Variants in UHRF1 observed in about 807,000 individuals in gnomAD.
The protein encoded by UHRF1 is ubiquitin like with PHD and ring finger domains 1, also known as E3 ubiquitin-protein ligase UHRF1.
UHRF1 carries 9 observed loss-of-function variants against 96.5 expected under a neutral mutation model. The observed-to-expected ratio is 0.09, with a 90% CI of 0.06 to 0.16. UHRF1 has a LOEUF of 0.16. Ranked by LOEUF, UHRF1 falls within the 10% of genes least tolerant of loss-of-function variation. UHRF1 has a pLI of 1.00. For missense variants in UHRF1, 626 were observed against 1,131.1 expected (o/e 0.55, Z 6.40); for synonymous variants, 455 against 469.9 (o/e 0.97, Z 0.41).
At chr19:4,916,491 G>C (rs952999253) in intron 2 of UHRF1, among the ~76,000 whole-genome samples, 1 of 152,108 alleles carries the variant, frequency 6.6e-6, no homozygotes, top group African/African-American at 2.4e-5. Flanking sequence ...TGGTGTCTTT[G>C]TGGCGGTTGT....
At chr19:4,945,501 C>T (rs1347016242) in intron 9 of UHRF1, among the ~76,000 whole-genome samples, 2 of 152,048 alleles carry the variant, frequency 1.3e-5, no homozygotes, top group Non-Finnish European at 2.9e-5. Context: ...TCAAGTGATC[C>T]ACCCACCTCG....
At chr19:4,912,897 C>T (rs1328477806) in intron 2 of UHRF1, among the ~76,000 whole-genome samples, 1 of 151,664 alleles carries the variant, frequency 6.6e-6, no homozygotes, top group African/African-American at 2.4e-5. Flanking sequence ...GTAGCTAGGA[C>T]TATAGGCATG....
intron 5 of UHRF1, among the ~76,000 whole-genome samples, chr19:4,936,575 G>C (rs1280446746): frequency 1.3e-5 from 2 of 152,176 alleles, no homozygotes; most frequent in Non-Finnish European, 2.9e-5. Context: ...TGTCTCTGCA[G>C]TGTGGGGGGT....
In UHRF1 at chr19:4,960,135, G is replaced by A. The variant is rs148149436; in HGVS notation, c.2236-522G>A. Among the ~76,000 whole-genome samples the A allele has an allele frequency of 2.3e-3, 358 of 152,348 alleles. 3 individuals carry two copies. Among genetic ancestry groups the A allele is most frequent in the African/African-American group, 8.2e-3 (340 of 41,586 alleles). On this transcript the variant is annotated intron_variant, in intron 16 of 16. Transcript: ENST00000650932. ...CCCAGAGTGCTGGGATTACAGGCAT[G>A]AGCCACGATGCTTGGCCTGATGTGT...
chr19:4,918,660 G>A (rs888787650), intron 2 of UHRF1, among the ~76,000 whole-genome samples: 11 of 149,894 alleles, frequency 7.3e-5, no homozygotes, highest in East Asian at 2.0e-4. Flanking sequence ...GTTATCTGCC[G>A]GCCTCAGCCT....
At chr19:4,925,586 A>G (rs1297262834) in intron 2 of UHRF1, among the ~76,000 whole-genome samples, 2 of 152,264 alleles carry the variant, frequency 1.3e-5, no homozygotes, top group Admixed American at 6.5e-5. Flanking sequence ...CAATGGCACA[A>G]TCTCTGCTTA....
Position 4,954,855 on chromosome 19 carries a change from T to G in UHRF1, c.2130+33T>G, listed in dbSNP as rs2033815190. On this transcript the variant is annotated intron_variant, in intron 15 of 16. Coordinates refer to ENST00000650932, the MANE Select transcript of UHRF1 (RefSeq NM_001048201.3). This position sits in a 1 kb window ranked among gnomAD's most constrained non-coding sequence, Gnocchi z 5.9. ...CGCACGGCTCACTCGTCGCCCTGAT[T>G]TGCGTTGACTGCGGTAAAATGTGTG... 6.2e-7 allele frequency: 1 copy of G among 1,608,054 alleles called. No homozygotes were observed. The highest frequency in any genetic ancestry group is 1.3e-5 in the African/African-American group (1 of 74,690).
intron 5 of UHRF1, among the ~76,000 whole-genome samples, chr19:4,939,871 A>T (rs2033334186): frequency 6.6e-6 from 1 of 152,102 alleles, no homozygotes; most frequent in Admixed American, 6.6e-5. Flanking sequence ...AAAAATACAA[A>T]AAATTAGCCA....
intron 2 of UHRF1, among the ~76,000 whole-genome samples, chr19:4,927,380 C>CAAAAA (rs35783129): frequency 1.9e-4 from 16 of 83,468 alleles, no homozygotes; most frequent in Admixed American, 4.5e-4. Flanking sequence ...GACTCCATCT[C>CAAAAA]AAAAAAAAAA....
At position 4,930,641 on chromosome 19, in the gene UHRF1, G is replaced by T; in HGVS notation, c.409-75G>T. 3.3e-6 allele frequency: 5 copies of T among 1,529,542 alleles called. No homozygotes were observed. Among genetic ancestry groups the T allele is most frequent in the Non-Finnish European group, 4.4e-6 (5 of 1,127,114 alleles). The allele number at this position is 1,529,542 out of a possible 1,614,324, so 94.7% of individuals were successfully genotyped here. Reference sequence around the variant, plus strand: ...CGCCCTGGTTCCAGAGCATCCCAGTGTCCGAGAACCAAGGTGGTCTCCCGT... The same window carrying T: ...CGCCCTGGTTCCAGAGCATCCCAGTTTCCGAGAACCAAGGTGGTCTCCCGT... On this transcript the variant is annotated intron_variant, in intron 3 of 16. Transcript: ENST00000650932. This position sits in a 1 kb window ranked among gnomAD's most constrained non-coding sequence, Gnocchi z 4.4.
chr19:4,946,688 T>C lies in UHRF1; in HGVS notation c.1411-417T>C, dbSNP rs138041953. Among the ~76,000 whole-genome samples, 1,132 of 151,218 alleles carry C rather than the reference T, an allele frequency of 7.5e-3. 9 individuals are homozygous for C. The highest frequency in any genetic ancestry group is 0.014 in the Non-Finnish European group (921 of 67,780). ...CTCCTGGGCTCTAGTGATCCTCCCA[T>C]GTCAGCCTCCCAAGAAGCTGGGACT... is the stretch of plus-strand genomic sequence containing the variant. On this transcript the variant is annotated intron_variant, in intron 10 of 16. Coordinates refer to ENST00000650932, the MANE Select transcript of UHRF1 (RefSeq NM_001048201.3).
At chr19:4,952,525 C>G (rs2033746923) in intron 13 of UHRF1, among the ~76,000 whole-genome samples, 1 of 150,380 alleles carries the variant, frequency 6.6e-6, no homozygotes, top group South Asian at 2.1e-4. Flanking sequence ...TCCTGCATAG[C>G]TGGGATCACA....
chr19:4,946,521 T>C (rs2033570213), intron 10 of UHRF1, among the ~76,000 whole-genome samples: 1 of 152,134 alleles, frequency 6.6e-6, no homozygotes, highest in African/African-American at 2.4e-5. Flanking sequence ...TCCATTCTTT[T>C]GGGTGTATAT....
At chr19:4,925,626 A>G (rs530941793) in intron 2 of UHRF1, among the ~76,000 whole-genome samples, 17 of 152,110 alleles carry the variant, frequency 1.1e-4, no homozygotes, top group Admixed American at 5.2e-4. Flanking sequence ...GGTTCAAGCA[A>G]TTCTCCTGCC....
At chr19:4,904,832 C>G (rs557414473), upstream of UHRF1, among the ~76,000 whole-genome samples, 6 of 152,152 alleles carry the variant, frequency 3.9e-5, no homozygotes, top group Non-Finnish European at 7.3e-5. Context: ...GAAACTGAAG[C>G]CCTTTGCACT....
At chr19:4,904,748 G>A (rs981274654), upstream of UHRF1, among the ~76,000 whole-genome samples, 2 of 152,236 alleles carry the variant, frequency 1.3e-5, no homozygotes, top group Non-Finnish European at 2.9e-5. Flanking sequence ...CCAGGAGTGG[G>A]TGTGGGGGGT....
intron 10 of UHRF1, 77 bp downstream of exon 10, chr19:4,946,042 T>G: frequency 8.6e-7 from 1 of 1,169,490 alleles, no homozygotes; most frequent in Non-Finnish European, 1.2e-6. Context: ...AGAACAAAAT[T>G]TCCCATCCTA....
At chr19:4,959,075 G>A (rs2033928029) in intron 16 of UHRF1, among the ~76,000 whole-genome samples, 1 of 151,766 alleles carries the variant, frequency 6.6e-6, no homozygotes, top group Non-Finnish European at 1.5e-5. Context: ...ACTCCTCGCG[G>A]GGCTAAAGAG....
At chr19:4,940,655 G>A (rs958407585) in intron 5 of UHRF1, among the ~76,000 whole-genome samples, 3 of 150,680 alleles carry the variant, frequency 2.0e-5, no homozygotes, top group South Asian at 2.1e-4. Context: ...TGTGAGCCAC[G>A]GTGCCCAACT....
Sources: allele counts gnomAD v4.1 joint callset (sites outside exome capture counted in the v4.1 genomes callset), GRCh38; gene constraint gnomAD v4.1.1; non-coding constraint Gnocchi (gnomAD v3.1); transcripts MANE v1.5; gene names NCBI Gene and HGNC (gene_info 2026-07-23, HGNC 2026-07-21).